The following SHROOM2 variants were observed in gnomAD, a reference collection of about 807,000 sequenced individuals.
SHROOM2 encodes protein Shroom2.
SHROOM2 carries 33 observed loss-of-function variants against 75.9 expected under a neutral mutation model. The observed-to-expected ratio is 0.43, with a 90% CI of 0.33 to 0.58. The LOEUF (loss-of-function observed/expected upper bound fraction) is 0.58. Among genes scored for constraint, SHROOM2 ranks in the 20% least tolerant of loss-of-function variants. SHROOM2 has a pLI of 0.04. For missense variants in SHROOM2, 1,434 were observed against 1,461.2 expected, an observed-to-expected ratio of 0.98 and a Z score of 0.30; for synonymous variants, 655 against 663.6, an observed-to-expected ratio of 0.99 and a Z score of 0.20.
At chrX:9,897,236 G>A (rs1252927695) in intron 4 of SHROOM2, among the ~76,000 whole-genome samples, 1 of 111,738 alleles carries the variant, frequency 8.9e-6, no homozygotes, top group Non-Finnish European at 1.9e-5. Context: ...CTTTATTAAG[G>A]TGAGAGTTTT....
At chrX:9,817,084 A>G (rs1334393590) in intron 1 of SHROOM2, among the ~76,000 whole-genome samples, 1 of 109,517 alleles carries the variant, frequency 9.1e-6, no homozygotes. Flanking sequence ...TGATCCTCCT[A>G]CCTCAGCCTC....
chrX:9,940,753 G>T (rs1412439610), intron 8 of SHROOM2, among the ~76,000 whole-genome samples: 1 of 112,522 alleles, frequency 8.9e-6, no homozygotes, highest in Non-Finnish European at 1.9e-5. Flanking sequence ...GCATAGCGCA[G>T]ATGGGGACTT....
chrX:9,851,815 C>T (rs980691828), intron 1 of SHROOM2, among the ~76,000 whole-genome samples: 1 of 110,600 alleles, frequency 9.0e-6, no homozygotes, highest in Non-Finnish European at 1.9e-5. Flanking sequence ...TCACATTGCC[C>T]CTTTTAACTT....
At chrX:9,806,524 C>A (rs1009998944) in intron 1 of SHROOM2, among the ~76,000 whole-genome samples, 3 of 103,348 alleles carry the variant, frequency 2.9e-5, no homozygotes, top group Non-Finnish European at 5.8e-5. Flanking sequence ...ATATATATAT[C>A]TGTCTCCTTG....
Position 9,944,755 on chromosome X carries a change from G to A in SHROOM2, c.4426G>A (p.Val1476Met). 4.9e-6 allele frequency: 6 copies of A among 1,212,421 alleles called. No individual in the cohort carries two copies. The highest frequency in any genetic ancestry group is 1.8e-5 in the South Asian group (1 of 57,022). ...TVLGAEVEAIVKGVCKPSEFD... is the reference protein window; with the variant it reads ...TVLGAEVEAIMKGVCKPSEFD... ...GCTGGGGGCCGAGGTGGAGGCCATC[G>A]TGAAAGGCGTCTGCAAGCCCAGCGA... is the stretch of plus-strand genomic sequence containing the variant. Residue 1476 changes from valine (V) to methionine (M), a missense_variant, in exon 9 of 10, where the codon GTG becomes ATG. By Grantham distance (21) the Val-to-Met change is conservative. Transcript: ENST00000380913.
At position 9,932,083 on chromosome X, in the gene SHROOM2, CTT is replaced by C. The variant is rs753812322; in HGVS notation, c.2892-91_2892-90del. 918 of 864,894 alleles carry C rather than the reference CTT, an allele frequency of 1.1e-3. 9 individuals are homozygous for C. In the African/African-American group the frequency reaches 0.017, roughly 16 times the overall value. The allele number at this position is 864,894 out of a possible 1,213,427, so 71.3% of individuals were successfully genotyped here. ...ATATGGATTTAACTCCTGAAAGTGG[CTT>C]AAGGGGATTGTGAAGATCCAGGTCC... On this transcript the variant is annotated intron_variant, in intron 5 of 9. Transcript: ENST00000380913.
chrX:9,910,980 A>C (rs2084421473), intron 5 of SHROOM2, among the ~76,000 whole-genome samples: 1 of 110,874 alleles, frequency 9.0e-6, no homozygotes, highest in Non-Finnish European at 1.9e-5. Flanking sequence ...CACCACACCC[A>C]GCCCTATAAT....
At chrX:9,889,264 G>A (rs1424302369) in intron 2 of SHROOM2, among the ~76,000 whole-genome samples, 1 of 112,430 alleles carries the variant, frequency 8.9e-6, no homozygotes, top group African/African-American at 3.2e-5. Flanking sequence ...AAAATGATCT[G>A]AGTCATCGAA....
chrX:9,933,241 G>T (rs1292118871), intron 6 of SHROOM2, among the ~76,000 whole-genome samples: 1 of 110,965 alleles, frequency 9.0e-6, no homozygotes, highest in Non-Finnish European at 1.9e-5. Flanking sequence ...TTGGAATCGA[G>T]TTTAACCTAA....
intron 1 of SHROOM2, chrX:9,818,531 G>C: frequency 3.5e-6 from 1 of 284,937 alleles, no homozygotes; most frequent in Non-Finnish European, 6.6e-6. Context: ...TGGAATCTTA[G>C]AGATAAGCTG....
At chrX:9,911,588 G>A (rs2084426449) in intron 5 of SHROOM2, among the ~76,000 whole-genome samples, 1 of 111,098 alleles carries the variant, frequency 9.0e-6, no homozygotes. Context: ...AGGGGCTGTG[G>A]TGCTGAGGTC....
intron 5 of SHROOM2, among the ~76,000 whole-genome samples, chrX:9,914,697 T>C (rs756117803): frequency 2.7e-5 from 3 of 112,087 alleles, no homozygotes; most frequent in Non-Finnish European, 5.6e-5. Context: ...CCTCTTCATA[T>C]GTATACCTTG....
At chrX:9,884,579 G>T (rs768290293) in intron 2 of SHROOM2, among the ~76,000 whole-genome samples, 29 of 105,756 alleles carry the variant, frequency 2.7e-4, no homozygotes, top group Non-Finnish European at 4.4e-4. Flanking sequence ...ATAGCTCGCT[G>T]CAGCCTTGAA....
At chrX:9,825,664 C>T (rs1451481246) in intron 1 of SHROOM2, among the ~76,000 whole-genome samples, 2 of 111,946 alleles carry the variant, frequency 1.8e-5, no homozygotes, top group African/African-American at 6.5e-5. Flanking sequence ...GTTAATTGGA[C>T]GCTGAGTGCT....
rs2084840332 is a variant in SHROOM2, at chrX:9,948,267, GTT to G, written c.*1331_*1332del. 8.9e-6 allele frequency: 1 copy of G among 112,615 alleles called. No homozygotes were observed. The highest frequency in any genetic ancestry group is 3.2e-5 in the African/African-American group (1 of 31,024). 9.3% of individuals were successfully genotyped at this position (112,615 alleles called of 1,213,427 possible). A position where few individuals can be genotyped will look rare whatever the true frequency, so the allele number is the denominator to read the frequency against. On this transcript the variant is annotated 3_prime_UTR_variant, in exon 10 of 10. Coordinates refer to ENST00000380913, the MANE Select transcript of SHROOM2 (RefSeq NM_001649.4). ...AAGACGTTCAGCCGCCGATGGCTTG[GTT>G]ATAATTTATAACTTACTTATTTTTA...
intron 2 of SHROOM2, among the ~76,000 whole-genome samples, chrX:9,882,567 A>G (rs911983097): frequency 9.0e-6 from 1 of 111,686 alleles, no homozygotes; most frequent in Non-Finnish European, 1.9e-5. Flanking sequence ...GGGAAAAACA[A>G]GTCATTCGGG....
intron 1 of SHROOM2, among the ~76,000 whole-genome samples, chrX:9,806,023 C>A (rs770636673): frequency 2.6e-4 from 29 of 110,746 alleles, no homozygotes; most frequent in Non-Finnish European, 5.3e-4. Flanking sequence ...TGTGAGGACA[C>A]AGTGAGAAGG....
chrX:9,851,446 C>CTTTTTTTTTTTTT (rs746715538), intron 1 of SHROOM2, among the ~76,000 whole-genome samples: 2 of 63,189 alleles, frequency 3.2e-5, no homozygotes, highest in Non-Finnish European at 2.8e-5. Context: ...CAGGATATTG[C>CTTTTTTTTTTTTT]TTTTTTTTTT....
At chrX:9,913,210 G>A (rs1202195904) in intron 5 of SHROOM2, 1 of 112,291 alleles carries the variant, frequency 8.9e-6, no homozygotes, top group African/African-American at 3.2e-5. Flanking sequence ...CATTGAATGC[G>A]GACATTGAGA....
Sources: gnomAD v4.1 joint callset for allele counts (sites outside exome capture counted in the v4.1 genomes callset) on GRCh38, gnomAD v4.1.1 for gene constraint, MANE v1.5 for transcripts, NCBI Gene and HGNC (gene_info 2026-07-23, HGNC 2026-07-21) for gene names.